HK1: variants seen among roughly 807,000 people sequenced by gnomAD.
The protein encoded by HK1 is hexokinase 1, also known as hexokinase-1.
In HK1, 28 loss-of-function variants were observed where a neutral mutation model predicts 91.6. The ratio of observed to expected loss-of-function variants is 0.31; its 90% confidence interval spans 0.23 to 0.42. The LOEUF is 0.42. HK1 is among the 10% of genes least tolerant of loss of function. The pLI is 1.00. For synonymous variants in HK1, 430 were observed against 468.1 expected, an observed-to-expected ratio of 0.92 and a Z score of 1.05; for missense variants, 770 against 1,219.8, an observed-to-expected ratio of 0.63 and a Z score of 5.49.
chr10:69,316,089 G>A, upstream of HK1: 20 of 1,189,412 alleles, frequency 1.7e-5, no homozygotes, highest in Non-Finnish European at 2.5e-5. Context: ...AGGCAGAGGT[G>A]AGTGGAGAAG....
intron 1 of HK1, among the ~76,000 whole-genome samples, chr10:69,278,244 T>TG (rs1009951275): frequency 2.6e-5 from 4 of 152,216 alleles, no homozygotes; most frequent in Admixed American, 1.3e-4. Context: ...CTGAAGCACT[T>TG]GCTGTAAAGC....
chr10:69,366,653 A>G (rs536703758), intron 4 of HK1, among the ~76,000 whole-genome samples: 1 of 152,172 alleles, frequency 6.6e-6, no homozygotes, highest in South Asian at 2.1e-4. Flanking sequence ...CTGTGGCCAT[A>G]TGTAGACTCT....
intron 8 of HK1, 28 bp downstream of exon 8, chr10:69,377,117 TG>T: frequency 3.1e-6 from 5 of 1,613,782 alleles, no homozygotes; most frequent in Non-Finnish European, 4.2e-6. Context: ...AAGGCTTTCT[TG>T]GGGTGTTGGG....
chr10:69,271,573 T>A (rs1217710887), intron 1 of HK1, among the ~76,000 whole-genome samples: 2 of 150,598 alleles, frequency 1.3e-5, no homozygotes, highest in Non-Finnish European at 3.0e-5. Context: ...GCCTCCTGGG[T>A]TCATGCCATT....
chr10:69,352,047 C>T (rs1848902723), intron 2 of HK1, among the ~76,000 whole-genome samples: 1 of 150,916 alleles, frequency 6.6e-6, no homozygotes, highest in Admixed American at 6.6e-5. Context: ...GGCTGGAGTG[C>T]AGTGGCATGA....
chr10:69,277,529 C>T (rs1844529824), intron 1 of HK1, among the ~76,000 whole-genome samples: 1 of 152,112 alleles, frequency 6.6e-6, no homozygotes, highest in Non-Finnish European at 1.5e-5. Flanking sequence ...GATCATGCCA[C>T]TGCACTCCAG....
chr10:69,295,197 C>A (rs1276307046), intron 3 of HK1, among the ~76,000 whole-genome samples: 6 of 152,154 alleles, frequency 3.9e-5, no homozygotes, highest in African/African-American at 1.4e-4. Flanking sequence ...GGAGACACAG[C>A]GGGGCCTGCG....
chr10:69,355,086 AAAAAAAGAT>A (rs1165977145), intron 2 of HK1, among the ~76,000 whole-genome samples: 1 of 151,550 alleles, frequency 6.6e-6, no homozygotes, highest in African/African-American at 2.4e-5. Context: ...AAAAAAAAAA[AAAAAAAGAT>A]AGGAACAGTG....
intron 2 of HK1, among the ~76,000 whole-genome samples, chr10:69,285,734 A>G (rs1307924792): frequency 6.6e-6 from 1 of 152,080 alleles, no homozygotes; most frequent in Non-Finnish European, 1.5e-5. Flanking sequence ...TTCGGGGTGG[A>G]GAGTATATGG....
Position 69,275,283 on chromosome 10 carries a change from G to A in HK1, c.-391+5175G>A, listed in dbSNP as rs188964192. On this transcript the variant is annotated intron_variant, in intron 1 of 21. Transcript: ENST00000360289. ...CGCCTGTAATCTCAGTACTTTGGGA[G>A]GCCAAGGTGGGAGGATAGCTTGAGG... Among the ~76,000 whole-genome samples the A allele has an allele frequency of 2.6e-3, 399 of 151,170 alleles. 2 individuals carry two copies. Among genetic ancestry groups the A allele is most frequent in the African/African-American group, 8.7e-3 (358 of 41,222 alleles).
At chr10:69,304,970 C>T (rs746838204) in intron 5 of HK1, among the ~76,000 whole-genome samples, 14 of 152,144 alleles carry the variant, frequency 9.2e-5, no homozygotes, top group Non-Finnish European at 1.8e-4. Context: ...AGAAGACCCT[C>T]CCTTGCCTCT....
chr10:69,348,435 C>T (rs1325565666), intron 2 of HK1, among the ~76,000 whole-genome samples: 2 of 152,192 alleles, frequency 1.3e-5, no homozygotes, highest in African/African-American at 2.4e-5. Flanking sequence ...TCTGTGAAAC[C>T]TCCTGAGTTG....
chr10:69,329,658 C>T (rs1419585912), intron 1 of HK1, among the ~76,000 whole-genome samples: 1 of 152,194 alleles, frequency 6.6e-6, no homozygotes, highest in African/African-American at 2.4e-5. Flanking sequence ...TGCTGGTCCC[C>T]TGATTCAGAA....
At chr10:69,334,756 G>C (rs116309081) in intron 1 of HK1, among the ~76,000 whole-genome samples, 1 of 152,132 alleles carries the variant, frequency 6.6e-6, no homozygotes, top group African/African-American at 2.4e-5. Context: ...TCTAGCTGGC[G>C]GTGTGGACCA....
chr10:69,292,045 C>T (rs1419500456), intron 3 of HK1, among the ~76,000 whole-genome samples: 6 of 151,990 alleles, frequency 3.9e-5, no homozygotes, highest in Non-Finnish European at 7.4e-5. Context: ...TTTTTGCTTC[C>T]GTAGTTTTCC....
intron 17 of HK1, among the ~76,000 whole-genome samples, chr10:69,399,469 G>A (rs112271336): frequency 0.016 from 2,403 of 152,254 alleles, 69 homozygotes; most frequent in African/African-American, 0.055. Flanking sequence ...CCCAGATCAC[G>A]CCACTGTACT....
chr10:69,277,543 G>C (rs554590899), intron 1 of HK1, among the ~76,000 whole-genome samples: 1 of 152,070 alleles, frequency 6.6e-6, no homozygotes, highest in Admixed American at 6.6e-5. Flanking sequence ...ACTCCAGCCC[G>C]GGCGACAGAG....
At chr10:69,280,292 T>C (rs952891593) in intron 1 of HK1, among the ~76,000 whole-genome samples, 4 of 152,130 alleles carry the variant, frequency 2.6e-5, no homozygotes, top group African/African-American at 9.7e-5. Context: ...TTTTGTTTTG[T>C]ATTTTTAGTA....
At chr10:69,272,466 T>A (rs1844216576) in intron 1 of HK1, among the ~76,000 whole-genome samples, 1 of 152,200 alleles carries the variant, frequency 6.6e-6, no homozygotes, top group Admixed American at 6.5e-5. Context: ...CTGATGGTAG[T>A]AAATTCACGC....
Sources: allele counts gnomAD v4.1 joint callset (sites outside exome capture counted in the v4.1 genomes callset), GRCh38; gene constraint gnomAD v4.1.1; transcripts MANE v1.5; gene names NCBI Gene and HGNC (gene_info 2026-07-23, HGNC 2026-07-21).